The following CACNA2D3 variants were observed in gnomAD, a reference collection of about 807,000 sequenced individuals.
CACNA2D3 encodes voltage-dependent calcium channel subunit alpha-2/delta-3.
A neutral mutation model predicts 160.6 loss-of-function variants in CACNA2D3; 60 were observed. That is an observed-to-expected ratio of 0.37 (90% CI 0.30 to 0.46). The LOEUF (loss-of-function observed/expected upper bound fraction) is 0.46. Ranked by LOEUF, CACNA2D3 falls within the 20% of genes least tolerant of loss-of-function variation. The pLI is 1.00. For missense variants in CACNA2D3, 1,205 were observed against 1,365.0 expected (o/e 0.88, Z 1.85); for synonymous variants, 558 against 492.9 (o/e 1.13, Z -1.75).
chr3:54,411,426 T>G (rs1390256633), intron 4 of CACNA2D3, among the ~76,000 whole-genome samples: 5 of 152,186 alleles, frequency 3.3e-5, no homozygotes, highest in Non-Finnish European at 7.3e-5. Context: ...CACTCCAACC[T>G]TTAGCAACCA....
intron 14 of CACNA2D3, among the ~76,000 whole-genome samples, chr3:54,833,996 G>T (rs1304101728): frequency 6.6e-6 from 1 of 152,134 alleles, no homozygotes; most frequent in African/African-American, 2.4e-5. Context: ...TTTACCTGGG[G>T]CTGGTTACAA....
At chr3:54,497,718 A>AATG (rs1276834768) in intron 4 of CACNA2D3, among the ~76,000 whole-genome samples, 1 of 152,042 alleles carries the variant, frequency 6.6e-6, no homozygotes, top group Non-Finnish European at 1.5e-5. Flanking sequence ...TCATCAATAT[A>AATG]ATGTCAGATA....
intron 13 of CACNA2D3, among the ~76,000 whole-genome samples, chr3:54,809,761 T>G (rs1703250229): frequency 6.6e-6 from 1 of 151,550 alleles, no homozygotes. Flanking sequence ...CTCCCTGATC[T>G]TTTTTTCTTT....
chr3:54,708,061 GC>G (rs1454972505), intron 11 of CACNA2D3, among the ~76,000 whole-genome samples: 10 of 152,174 alleles, frequency 6.6e-5, no homozygotes, highest in Admixed American at 6.5e-4. Flanking sequence ...TTATGGTCTG[GC>G]AAGGTAATTG....
intron 3 of CACNA2D3, among the ~76,000 whole-genome samples, chr3:54,320,822 C>T (rs936329934): frequency 1.5e-4 from 23 of 152,138 alleles, no homozygotes; most frequent in East Asian, 9.6e-4. Context: ...AGCCATACAA[C>T]GTGGGCCTGT....
intron 2 of CACNA2D3, among the ~76,000 whole-genome samples, chr3:54,144,475 T>C (rs1327642438): frequency 1.3e-5 from 2 of 152,370 alleles, no homozygotes; most frequent in East Asian, 3.9e-4. Flanking sequence ...GTGCATTGCA[T>C]GTGCATATGT....
rs764015697 is a variant in CACNA2D3, at chr3:54,880,839, C to T, written c.1888C>T (p.Arg630Ter). 3.7e-6 allele frequency: 6 copies of T among 1,613,578 alleles called. No homozygotes were observed. Among genetic ancestry groups the T allele is most frequent in the Non-Finnish European group, 4.2e-6 (5 of 1,179,750 alleles). The change falls in exon 21 of 38, where the codon CGA becomes TGA. Residue 630 changes from arginine (R) to a stop codon, truncating the protein, a stop_gained. Transcript: ENST00000474759. LOFTEE classifies it high-confidence loss of function. ...LSRGHGKYFF[R>*]GNVTIEEGLH... is the part of the protein sequence containing the mutation. ...CAGAGGTCATGGGAAATATTTCTTC[C>T]GAGGGAATGTAACCATCGAAGAAGG...
intron 6 of CACNA2D3, among the ~76,000 whole-genome samples, chr3:54,569,446 C>CG (rs1482052062): frequency 2.0e-5 from 3 of 152,082 alleles, no homozygotes; most frequent in African/African-American, 4.8e-5. Context: ...ATGATCCCCC[C>CG]AGGTGCAACA....
At chr3:54,624,450 G>A (rs1000781694) in intron 9 of CACNA2D3, among the ~76,000 whole-genome samples, 5 of 151,980 alleles carry the variant, frequency 3.3e-5, no homozygotes, top group Non-Finnish European at 5.9e-5. Context: ...GTGAAACCCC[G>A]TCTCTATTAA....
chr3:54,126,981 A>G (rs945718667), intron 2 of CACNA2D3, among the ~76,000 whole-genome samples: 1 of 152,190 alleles, frequency 6.6e-6, no homozygotes, highest in Non-Finnish European at 1.5e-5. Context: ...GAAGCATTCT[A>G]GTAGGTCCGG....
chr3:54,181,671 A>AT (rs1164345856), intron 2 of CACNA2D3, among the ~76,000 whole-genome samples: 2 of 152,138 alleles, frequency 1.3e-5, no homozygotes, highest in African/African-American at 4.8e-5. Flanking sequence ...ATACTTAAAA[A>AT]ATTTTTTGAG....
At chr3:54,685,152 A>T (rs960125733) in intron 11 of CACNA2D3, among the ~76,000 whole-genome samples, 4 of 152,186 alleles carry the variant, frequency 2.6e-5, no homozygotes, top group Non-Finnish European at 5.9e-5. Context: ...ATGCAGAGGG[A>T]TGGACTTCCT....
At chr3:54,328,882 G>T (rs1426546743) in intron 3 of CACNA2D3, among the ~76,000 whole-genome samples, 1 of 152,188 alleles carries the variant, frequency 6.6e-6, no homozygotes, top group African/African-American at 2.4e-5. Context: ...CTGACTTTGG[G>T]GTGCCAGCTG....
At chr3:54,981,494 G>A (rs571526720) in intron 29 of CACNA2D3, among the ~76,000 whole-genome samples, 84 of 152,246 alleles carry the variant, frequency 5.5e-4, no homozygotes, top group African/African-American at 1.7e-3. Flanking sequence ...CCCATTGGGA[G>A]CGAGGGGGAG....
chr3:54,953,074 G>A (rs1701797824), intron 27 of CACNA2D3, among the ~76,000 whole-genome samples: 1 of 152,126 alleles, frequency 6.6e-6, no homozygotes, highest in African/African-American at 2.4e-5. Flanking sequence ...CCAGGATATG[G>A]ATTAAATAAT....
chr3:54,311,980 G>A (rs1450357149), intron 2 of CACNA2D3, among the ~76,000 whole-genome samples: 3 of 152,154 alleles, frequency 2.0e-5, no homozygotes, highest in Non-Finnish European at 4.4e-5. Flanking sequence ...GAACCTTAGG[G>A]TGGGAACGTG....
chr3:54,891,671 G>A (rs1395310390), intron 25 of CACNA2D3, among the ~76,000 whole-genome samples: 1 of 152,136 alleles, frequency 6.6e-6, no homozygotes, highest in Non-Finnish European at 1.5e-5. Flanking sequence ...CAGGCTTGTT[G>A]GCTTCTGTCC....
At chr3:54,191,812 G>A (rs969982806) in intron 2 of CACNA2D3, among the ~76,000 whole-genome samples, 2 of 152,126 alleles carry the variant, frequency 1.3e-5, no homozygotes, top group African/African-American at 4.8e-5. Context: ...CAGGGCTGCC[G>A]TGAAGAGAGA....
At chr3:54,421,296 G>A (rs907805932) in intron 4 of CACNA2D3, among the ~76,000 whole-genome samples, 2 of 152,178 alleles carry the variant, frequency 1.3e-5, no homozygotes, top group African/African-American at 4.8e-5. Flanking sequence ...GGATGTGCTT[G>A]CAAAAGAAAT....
Sources: gnomAD v4.1 joint callset for allele counts (sites outside exome capture counted in the v4.1 genomes callset) on GRCh38, gnomAD v4.1.1 for gene constraint, MANE v1.5 for transcripts, NCBI Gene and HGNC (gene_info 2026-07-23, HGNC 2026-07-21) for gene names.